ADAMTS6: variants seen among roughly 807,000 people sequenced by gnomAD.
The protein encoded by ADAMTS6 is A disintegrin and metalloproteinase with thrombospondin motifs 6.
ADAMTS6 carries 23 observed loss-of-function variants against 144.3 expected under a neutral mutation model. The ratio of observed to expected loss-of-function variants is 0.16; its 90% confidence interval spans 0.11 to 0.23. The LOEUF is 0.23. ADAMTS6 is among the 10% of genes least tolerant of loss of function. ADAMTS6 has a pLI of 1.00. For synonymous variants in ADAMTS6, 444 were observed against 457.5 expected (o/e 0.97, Z 0.38); for missense variants, 999 against 1,379.6 (o/e 0.72, Z 4.37).
At chr5:65,467,351 A>G (rs1307788710) in intron 3 of ADAMTS6, among the ~76,000 whole-genome samples, 1 of 152,006 alleles carries the variant, frequency 6.6e-6, no homozygotes, top group African/African-American at 2.4e-5. Flanking sequence ...CCCATCAAAT[A>G]CCAAGCAGAA....
chr5:65,446,643 T>C (rs1758288753), intron 7 of ADAMTS6, among the ~76,000 whole-genome samples: 1 of 152,152 alleles, frequency 6.6e-6, no homozygotes, highest in African/African-American at 2.4e-5. Context: ...GAAGTACTGA[T>C]ACATGCCACA....
intron 18 of ADAMTS6, among the ~76,000 whole-genome samples, chr5:65,222,547 C>T (rs1406071074): frequency 6.6e-6 from 1 of 151,994 alleles, no homozygotes; most frequent in East Asian, 1.9e-4. Context: ...TAAGTCATTA[C>T]TCTAAGTGTT....
intron 3 of ADAMTS6, among the ~76,000 whole-genome samples, chr5:65,463,916 T>G (rs1759807691): frequency 2.0e-5 from 3 of 152,244 alleles, no homozygotes; most frequent in Admixed American, 1.3e-4. Flanking sequence ...TAGGGTCAGA[T>G]GTTCTTGCAA....
At chr5:65,453,029 AAAGAG>A in intron 4 of ADAMTS6, 111 bp from the exon 5 acceptor site, 1 of 824,334 alleles carries the variant, frequency 1.2e-6, no homozygotes, top group Admixed American at 3.4e-5. Context: ...AAGATTTTTC[AAAGAG>A]AAGAGAATGA....
intron 11 of ADAMTS6, among the ~76,000 whole-genome samples, chr5:65,286,080 G>A (rs144063104): frequency 1.1e-3 from 172 of 152,206 alleles, no homozygotes; most frequent in African/African-American, 4.0e-3. Context: ...CAGCTATACC[G>A]AAATGTTATC....
At chr5:65,452,580 G>A in intron 5 of ADAMTS6, 127 bp downstream of exon 5, 2 of 939,224 alleles carry the variant, frequency 2.1e-6, no homozygotes, top group Non-Finnish European at 3.1e-6. Flanking sequence ...AACATTACTA[G>A]ACCAATTTTT....
intron 13 of ADAMTS6, 160 bp downstream of exon 13, chr5:65,262,657 T>A: frequency 1.4e-6 from 1 of 689,864 alleles, no homozygotes; most frequent in Non-Finnish European, 2.1e-6. Context: ...AGAAAGTCTG[T>A]CTAACAAAGC....
At chr5:65,250,666 C>A (rs1000850771) in intron 14 of ADAMTS6, among the ~76,000 whole-genome samples, 12 of 152,136 alleles carry the variant, frequency 7.9e-5, no homozygotes, top group Non-Finnish European at 1.6e-4. Flanking sequence ...TCCATCCCAG[C>A]CAAAGTGGAG....
chr5:65,294,362 G>A (rs913897825), intron 10 of ADAMTS6, among the ~76,000 whole-genome samples: 2 of 152,118 alleles, frequency 1.3e-5, no homozygotes, highest in African/African-American at 4.8e-5. Flanking sequence ...TGGGACCAGA[G>A]GCATGCCTGG....
chr5:65,222,281 T>C (rs1757376412), intron 18 of ADAMTS6, among the ~76,000 whole-genome samples: 1 of 152,178 alleles, frequency 6.6e-6, no homozygotes, highest in African/African-American at 2.4e-5. Flanking sequence ...CCTAGATCAA[T>C]GGGTGAGAAC....
At chr5:65,459,374 G>A (rs577619419) in intron 4 of ADAMTS6, among the ~76,000 whole-genome samples, 4 of 151,998 alleles carry the variant, frequency 2.6e-5, no homozygotes, top group Non-Finnish European at 4.4e-5. Context: ...CCCTTAACAT[G>A]GTTTATAAGC....
chr5:65,435,542 G>A (rs1580701997), intron 7 of ADAMTS6, among the ~76,000 whole-genome samples: 1 of 151,856 alleles, frequency 6.6e-6, no homozygotes, highest in Admixed American at 6.6e-5. Flanking sequence ...TACATAAGAT[G>A]TTAATATTAG....
chr5:65,152,010 G>C (rs1366086630), intron 24 of ADAMTS6, 65 bp from the exon 25 acceptor site: 2 of 1,387,048 alleles, frequency 1.4e-6, no homozygotes, highest in African/African-American at 1.4e-5. Context: ...TAAACAAGCC[G>C]ATGGGCCTGC....
chr5:65,334,736 A>G (rs1747142814), intron 7 of ADAMTS6, among the ~76,000 whole-genome samples: 1 of 152,208 alleles, frequency 6.6e-6, no homozygotes, highest in African/African-American at 2.4e-5. Flanking sequence ...TTTATTCTAT[A>G]CCATGCTGCA....
At chr5:65,391,419 TACACACACACAC>T (rs34581260) in intron 7 of ADAMTS6, among the ~76,000 whole-genome samples, 46 of 148,710 alleles carry the variant, frequency 3.1e-4, no homozygotes, top group African/African-American at 8.9e-4. Context: ...TGTGTCTCTC[TACACACACACAC>T]ACACACACAC....
intron 24 of ADAMTS6, among the ~76,000 whole-genome samples, chr5:65,165,838 T>C (rs1379433089): frequency 8.0e-6 from 1 of 125,712 alleles, no homozygotes; most frequent in Non-Finnish European, 1.7e-5. Flanking sequence ...TGCTGACCGA[T>C]TTTGTCACCA....
intron 7 of ADAMTS6, among the ~76,000 whole-genome samples, chr5:65,366,088 G>A (rs1393022795): frequency 1.3e-5 from 2 of 151,878 alleles, no homozygotes; most frequent in Non-Finnish European, 2.9e-5. Flanking sequence ...ATTTGTTCTG[G>A]GTTTAAAACC....
At chr5:65,242,705 A>T (rs1161817793) in intron 14 of ADAMTS6, among the ~76,000 whole-genome samples, 1 of 152,140 alleles carries the variant, frequency 6.6e-6, no homozygotes, top group African/African-American at 2.4e-5. Context: ...CAAAAACCAT[A>T]CTTTAAATGA....
intron 3 of ADAMTS6, among the ~76,000 whole-genome samples, chr5:65,460,968 A>G (rs1261609737): frequency 6.6e-6 from 1 of 152,244 alleles, no homozygotes; most frequent in East Asian, 1.9e-4. Flanking sequence ...TGTTACATCA[A>G]TTAATATGTT....
Sources: allele counts gnomAD v4.1 joint callset (sites outside exome capture counted in the v4.1 genomes callset), GRCh38; gene constraint gnomAD v4.1.1; transcripts MANE v1.5; gene names NCBI Gene and HGNC (gene_info 2026-07-23, HGNC 2026-07-21).